The following ATP8A2 variants were observed in gnomAD, a reference collection of about 807,000 sequenced individuals.
ATP8A2 encodes the protein ATPase phospholipid transporting 8A2.
A neutral mutation model predicts 165.6 loss-of-function variants in ATP8A2; 100 were observed. That is an observed-to-expected ratio of 0.60 (90% CI 0.51 to 0.71). The LOEUF is 0.71. ATP8A2 is among the 30% of genes least tolerant of loss of function. The probability of loss-of-function intolerance (pLI) is 0.00; values close to 1 mark genes in which losing one functional copy is unlikely to be tolerated. For synonymous variants in ATP8A2, 543 were observed against 548.8 expected (o/e 0.99, Z 0.15); for missense variants, 1,227 against 1,479.5 (o/e 0.83, Z 2.80).
At chr13:25,688,362 C>T (rs1424950839) in intron 24 of ATP8A2, among the ~76,000 whole-genome samples, 8 of 151,924 alleles carry the variant, frequency 5.3e-5, no homozygotes, top group Admixed American at 2.6e-4. Context: ...TAGTTCGTTA[C>T]GGGTTCTACA....
intron 35 of ATP8A2, among the ~76,000 whole-genome samples, chr13:25,997,473 T>A (rs76923632): frequency 0.014 from 2,158 of 152,308 alleles, 52 homozygotes; most frequent in African/African-American, 0.049. Context: ...ATATTGTTCA[T>A]CAAAATTGGG....
At chr13:25,821,405 A>G (rs143163529) in intron 27 of ATP8A2, among the ~76,000 whole-genome samples, 115 of 152,322 alleles carry the variant, frequency 7.5e-4, no homozygotes, top group Middle Eastern at 6.8e-3. Context: ...AGTCTTTGAA[A>G]TAATTTCTCA....
At chr13:25,986,028 A>G (rs1956274764) in intron 35 of ATP8A2, among the ~76,000 whole-genome samples, 1 of 152,146 alleles carries the variant, frequency 6.6e-6, no homozygotes, top group Non-Finnish European at 1.5e-5. Flanking sequence ...TTTTTGGAGG[A>G]TTCACTAACC....
intron 25 of ATP8A2, among the ~76,000 whole-genome samples, chr13:25,745,901 T>C (rs898364830): frequency 1.3e-5 from 2 of 152,190 alleles, no homozygotes; most frequent in African/African-American, 4.8e-5. Context: ...AGAGAAACTG[T>C]GTCAGGATAC....
In ATP8A2 at chr13:25,550,205, C is replaced by T. The variant is rs571241973; in HGVS notation, c.892-1133C>T. ...CCTGTAGTCCCAGCTACTTGGGAGG[C>T]GAGGCACAAGAATTGCTTGAACCCA... is the stretch of plus-strand genomic sequence containing the variant. On this transcript the variant is annotated intron_variant, in intron 10 of 36. Coordinates refer to ENST00000381655, the MANE Select transcript of ATP8A2 (RefSeq NM_016529.6). Among the ~76,000 whole-genome samples, 19 of 151,960 alleles carry T rather than the reference C, an allele frequency of 1.3e-4. No individual in the cohort carries two copies. In the East Asian group the frequency reaches 1.5e-3, roughly 12 times the overall value.
chr13:25,398,027 G>A (rs561993728), intron 1 of ATP8A2, among the ~76,000 whole-genome samples: 1 of 152,128 alleles, frequency 6.6e-6, no homozygotes, highest in Non-Finnish European at 1.5e-5. Flanking sequence ...GCCTTAGGGA[G>A]AATAGATGGT....
chr13:25,777,562 C>A, intron 27 of ATP8A2, among the ~76,000 whole-genome samples: 1 of 152,142 alleles, frequency 6.6e-6, no homozygotes, highest in East Asian at 1.9e-4. Context: ...AGGAGCGATT[C>A]TTTACAATAG....
At chr13:25,819,929 A>G (rs1045312620) in intron 27 of ATP8A2, among the ~76,000 whole-genome samples, 9 of 152,224 alleles carry the variant, frequency 5.9e-5, no homozygotes, top group African/African-American at 2.2e-4. Context: ...TCGTGATGTT[A>G]TTGCCACTTC....
Position 25,541,983 on chromosome 13 carries a change from A to C in ATP8A2, c.716A>C (p.Glu239Ala). The change falls in exon 9 of 37, where the codon GAG (glutamate) becomes GCG (alanine). Residue 239 changes from glutamate (E) to alanine (A), a missense_variant. Physicochemically the swap from Glu to Ala is moderately radical, Grantham distance 107. Transcript: ENST00000381655. ...CTGATGAAGTTATCTGGAACTATAG[A>C]GTGTGAAGGGCCCAACCGCCACCTC... is the stretch of plus-strand genomic sequence containing the variant. ...EVLMKLSGTI[E>A]CEGPNRHLYD... The C allele has an allele frequency of 1.2e-6, 2 of 1,614,106 alleles. No homozygotes were observed. Among genetic ancestry groups the C allele is most frequent in the Non-Finnish European group, 1.7e-6 (2 of 1,179,970 alleles).
intron 2 of ATP8A2, among the ~76,000 whole-genome samples, chr13:25,482,118 G>GTA (rs1437378355): frequency 1.3e-5 from 2 of 152,034 alleles, no homozygotes; most frequent in Non-Finnish European, 2.9e-5. Context: ...TTTTTTGGAG[G>GTA]TATATATAAA....
chr13:25,961,016 C>T (rs534066493), intron 33 of ATP8A2, among the ~76,000 whole-genome samples: 10 of 152,314 alleles, frequency 6.6e-5, no homozygotes, highest in Admixed American at 2.6e-4. Context: ...CGTTTATATT[C>T]GTGATATATA....
chr13:25,818,080 C>T (rs903489423), intron 27 of ATP8A2, among the ~76,000 whole-genome samples: 1 of 152,164 alleles, frequency 6.6e-6, no homozygotes, highest in Non-Finnish European at 1.5e-5. Flanking sequence ...AAGATTACTT[C>T]TGATTGTCTG....
At chr13:25,495,108 T>G (rs1240019357) in intron 2 of ATP8A2, among the ~76,000 whole-genome samples, 1 of 152,232 alleles carries the variant, frequency 6.6e-6, no homozygotes, top group Non-Finnish European at 1.5e-5. Flanking sequence ...TGAGGACATT[T>G]GGGCAAACAC....
chr13:25,425,034 A>G (rs2034405526), intron 1 of ATP8A2, among the ~76,000 whole-genome samples: 1 of 152,210 alleles, frequency 6.6e-6, no homozygotes, highest in Non-Finnish European at 1.5e-5. Flanking sequence ...GATCATGTGC[A>G]TTTCAGTGAT....
intron 35 of ATP8A2, among the ~76,000 whole-genome samples, chr13:25,988,174 A>G (rs560147263): frequency 1.3e-5 from 2 of 152,360 alleles, no homozygotes; most frequent in South Asian, 4.1e-4. Context: ...AAACACTTGC[A>G]TGTCCAGGTC....
intron 24 of ATP8A2, among the ~76,000 whole-genome samples, chr13:25,651,695 C>T (rs76248702): frequency 0.035 from 5,248 of 152,022 alleles, 158 homozygotes; most frequent in East Asian, 0.13. Flanking sequence ...TTGGCTTTGT[C>T]CAACAGACAT....
intron 34 of ATP8A2, among the ~76,000 whole-genome samples, chr13:25,967,376 C>G (rs1031334928): frequency 6.6e-6 from 1 of 152,152 alleles, no homozygotes; most frequent in Admixed American, 6.5e-5. Flanking sequence ...TGCTAATACT[C>G]CATTATAGAT....
intron 2 of ATP8A2, among the ~76,000 whole-genome samples, chr13:25,518,767 C>T (rs190822148): frequency 6.6e-6 from 1 of 152,236 alleles, no homozygotes; most frequent in Non-Finnish European, 1.5e-5. Context: ...AGACCCAGAC[C>T]CATATTTTGC....
chr13:25,457,566 T>C (rs1430133770), intron 1 of ATP8A2, among the ~76,000 whole-genome samples: 2 of 152,196 alleles, frequency 1.3e-5, no homozygotes, highest in Admixed American at 6.5e-5. Context: ...GAGGATTGGA[T>C]GGATTTACAC....
Sources: gnomAD v4.1 joint callset for allele counts (sites outside exome capture counted in the v4.1 genomes callset) on GRCh38, gnomAD v4.1.1 for gene constraint, MANE v1.5 for transcripts, NCBI Gene and HGNC (gene_info 2026-07-23, HGNC 2026-07-21) for gene names.